Variants in FOXP2 observed in about 807,000 individuals in gnomAD.
The protein encoded by FOXP2 is forkhead box protein P2.
A neutral mutation model predicts 115.8 loss-of-function variants in FOXP2; 12 were observed. The ratio of observed to expected loss-of-function variants is 0.10; its 90% CI spans 0.07 to 0.17. The LOEUF (loss-of-function observed/expected upper bound fraction) is 0.17, where lower values mean the gene tolerates loss of function less well. FOXP2 is among the 10% of genes least tolerant of loss of function. The probability of loss-of-function intolerance (pLI) is 1.00; values close to 1 mark genes in which losing one functional copy is unlikely to be tolerated. For missense variants in FOXP2, 629 were observed against 843.5 expected (o/e 0.75, Z 3.15); for synonymous variants, 328 against 297.7 (o/e 1.10, Z -1.05).
chr7:114,298,395 G>A (rs759753335), intron 2 of FOXP2, among the ~76,000 whole-genome samples: 3 of 151,966 alleles, frequency 2.0e-5, no homozygotes, highest in Non-Finnish European at 4.4e-5. Flanking sequence ...TGATATTACT[G>A]TCTGGTCTCT....
chr7:114,675,819 CATTA>C (rs1433578121), intron 16 of FOXP2, among the ~76,000 whole-genome samples: 5 of 151,932 alleles, frequency 3.3e-5, no homozygotes, highest in Admixed American at 1.3e-4. Flanking sequence ...TTTTAAATGT[CATTA>C]ATTAACACTT....
chr7:114,489,537 G>A (rs1315760216), intron 2 of FOXP2, among the ~76,000 whole-genome samples: 2 of 151,558 alleles, frequency 1.3e-5, no homozygotes, highest in African/African-American at 4.8e-5. Context: ...CTGCTTGAAT[G>A]AATTCCCAAT....
intron 1 of FOXP2, among the ~76,000 whole-genome samples, chr7:114,218,208 A>G (rs1794531968): frequency 2.0e-5 from 3 of 152,142 alleles, no homozygotes; most frequent in Non-Finnish European, 4.4e-5. Context: ...AGTCTACAAT[A>G]TGAAGTGTTA....
intron 3 of FOXP2, among the ~76,000 whole-genome samples, chr7:114,583,569 T>A (rs995443992): frequency 2.0e-5 from 3 of 152,154 alleles, no homozygotes; most frequent in East Asian, 3.9e-4. Context: ...CTTGTACTGA[T>A]CTATCTTTCT....
intron 1 of FOXP2, among the ~76,000 whole-genome samples, chr7:114,167,459 A>T (rs945621572): frequency 2.0e-5 from 3 of 152,142 alleles, no homozygotes; most frequent in Non-Finnish European, 2.9e-5. Flanking sequence ...GAGTTGAGCA[A>T]GTCTATTGGT....
chr7:114,358,418 T>A (rs1791665630), intron 2 of FOXP2, among the ~76,000 whole-genome samples: 1 of 152,142 alleles, frequency 6.6e-6, no homozygotes, highest in Non-Finnish European at 1.5e-5. Flanking sequence ...CTCAAAAATG[T>A]GGAAGTGACT....
intron 1 of FOXP2, among the ~76,000 whole-genome samples, chr7:114,103,352 G>A (rs1305437522): frequency 1.3e-5 from 2 of 152,036 alleles, no homozygotes; most frequent in Non-Finnish European, 2.9e-5. Flanking sequence ...TTTCTTCTGT[G>A]TCTTTGGGTA....
chr7:114,318,402 A>AGG (rs1797327817), intron 2 of FOXP2, among the ~76,000 whole-genome samples: 2 of 102,736 alleles, frequency 1.9e-5, no homozygotes, highest in African/African-American at 6.6e-5. Context: ...TTTTTTGGAG[A>AGG]GTATGATTTT....
chr7:114,569,689 T>C (rs1164293257), intron 3 of FOXP2, among the ~76,000 whole-genome samples: 1 of 151,896 alleles, frequency 6.6e-6, no homozygotes, highest in Non-Finnish European at 1.5e-5. Context: ...ACATACTTCT[T>C]CCTAAGAAAC....
intron 2 of FOXP2, among the ~76,000 whole-genome samples, chr7:114,399,948 C>CG (rs1464704878): frequency 6.6e-6 from 1 of 151,438 alleles, no homozygotes; most frequent in South Asian, 2.1e-4. Flanking sequence ...CCTCCGCCCC[C>CG]CGAGTTCAAG....
intron 1 of FOXP2, among the ~76,000 whole-genome samples, chr7:114,170,372 T>G (rs1793106334): frequency 1.3e-5 from 2 of 152,144 alleles, no homozygotes; most frequent in Non-Finnish European, 2.9e-5. Context: ...ATTGGCCAAG[T>G]AATAAACCTG....
chr7:114,293,628 G>T (rs1180195068), intron 2 of FOXP2, among the ~76,000 whole-genome samples: 1 of 152,166 alleles, frequency 6.6e-6, no homozygotes. Context: ...TGAATCATGG[G>T]GCAGTTCCCC....
At chr7:114,435,690 A>G (rs1280579795) in intron 2 of FOXP2, among the ~76,000 whole-genome samples, 1 of 152,026 alleles carries the variant, frequency 6.6e-6, no homozygotes, top group Non-Finnish European at 1.5e-5. Context: ...GGCACGTACC[A>G]CCATACCCGG....
chr7:114,287,977 T>A (rs1796507421), intron 1 of FOXP2: 1 of 409,580 alleles, frequency 2.4e-6, no homozygotes, highest in Non-Finnish European at 4.9e-6. Flanking sequence ...AAATTTAAAT[T>A]TAATTTTCTA....
At chr7:114,193,846 A>C (rs1384793080) in intron 1 of FOXP2, among the ~76,000 whole-genome samples, 2 of 152,186 alleles carry the variant, frequency 1.3e-5, no homozygotes, top group Non-Finnish European at 2.9e-5. Flanking sequence ...TTAGTGACGG[A>C]TTGCAAATAA....
At chr7:114,176,127 G>A (rs1793281683) in intron 1 of FOXP2, among the ~76,000 whole-genome samples, 1 of 151,814 alleles carries the variant, frequency 6.6e-6, no homozygotes, top group South Asian at 2.1e-4. Context: ...TTCTTTCAAA[G>A]TTATGTTTAG....
Position 114,588,485 on chromosome 7 carries a change from G to C in FOXP2, c.259-40055G>C, listed in dbSNP as rs181687203. ...TAATTTTTATTTTTTTAGGTCTCTT[G>C]AAAATGGAAAATGAAATACTCTCTG... On this transcript the variant is annotated intron_variant, in intron 3 of 16. Coordinates refer to ENST00000350908, the MANE Select transcript of FOXP2 (RefSeq NM_014491.4). 1.7e-3 allele frequency among the ~76,000 whole-genome samples: 266 copies of C among 152,186 alleles called. 2 individuals are homozygous for C. Among genetic ancestry groups the C allele is most frequent in the African/African-American group, 6.1e-3 (255 of 41,524 alleles).
chr7:114,145,929 A>G lies in FOXP2; in HGVS notation c.-246-17015A>G, dbSNP rs1023854180. 2.0e-5 allele frequency among the ~76,000 whole-genome samples: 3 copies of G among 152,216 alleles called. No individual in the cohort carries two copies. The South Asian group carries it at 6.2e-4, about 32-fold the overall frequency. On this transcript the variant is annotated intron_variant, in intron 1 of 19. Coordinates refer to the FOXP2 transcript ENST00000635638. Reference sequence around the variant, plus strand: ...ATCTTTTGACATAGGACTTGATTAAAGTATTTTAAAGTAGCAAAACATTAT... The same window carrying G: ...ATCTTTTGACATAGGACTTGATTAAGGTATTTTAAAGTAGCAAAACATTAT...
intron 9 of FOXP2, among the ~76,000 whole-genome samples, chr7:114,652,749 A>G (rs1340302944): frequency 6.6e-6 from 1 of 152,016 alleles, no homozygotes; most frequent in Non-Finnish European, 1.5e-5. Flanking sequence ...TTCTTTTTCT[A>G]GTGTAATTTT....
Sources: gnomAD v4.1 joint callset for allele counts (sites outside exome capture counted in the v4.1 genomes callset) on GRCh38, gnomAD v4.1.1 for gene constraint, MANE v1.5 for transcripts, NCBI Gene and HGNC (gene_info 2026-07-23, HGNC 2026-07-21) for gene names.